The following DNASE1 variants were observed in gnomAD, a reference collection of about 807,000 sequenced individuals.
The protein encoded by DNASE1 is deoxyribonuclease-1.
DNASE1 carries 40 observed loss-of-function variants against 33.9 expected under a neutral mutation model. That is an observed-to-expected ratio of 1.18 (90% CI 0.92 to 1.54). DNASE1 has a LOEUF of 1.54. Ranked by LOEUF, DNASE1 falls within the 40% of genes most tolerant of loss-of-function variation. The probability of loss-of-function intolerance (pLI) is 0.00; values close to 1 mark genes in which losing one functional copy is unlikely to be tolerated. For synonymous variants in DNASE1, 216 were observed against 160.0 expected (o/e 1.35, Z -2.64); for missense variants, 518 against 372.6 (o/e 1.39, Z -3.21).
intron 1 of DNASE1, among the ~76,000 whole-genome samples, chr16:3,636,239 A>G (rs1315545671): frequency 7.7e-6 from 1 of 129,586 alleles, no homozygotes; most frequent in Non-Finnish European, 1.6e-5. Context: ...GGCATTCTTC[A>G]CTTTTCTTAG....
intron 1 of DNASE1, among the ~76,000 whole-genome samples, chr16:3,645,038 G>A (rs2151196809): frequency 6.6e-6 from 1 of 151,974 alleles, no homozygotes; most frequent in East Asian, 1.9e-4. Context: ...GGAGGTTGAG[G>A]CAGGAAGATC....
chr16:3,662,969 T>C, downstream of DNASE1: 1 of 1,607,468 alleles, frequency 6.2e-7, no homozygotes, highest in Non-Finnish European at 8.5e-7. Flanking sequence ...ACTCGGCGGC[T>C]GCGGAAGAGC....
intron 1 of DNASE1, among the ~76,000 whole-genome samples, chr16:3,616,387 G>A (rs577194203): frequency 1.3e-5 from 2 of 152,208 alleles, no homozygotes; most frequent in African/African-American, 4.8e-5. Context: ...TTGGGAGTCT[G>A]AGTCAGGCAG....
intron 1 of DNASE1, among the ~76,000 whole-genome samples, chr16:3,634,066 T>C (rs1367343035): frequency 6.6e-6 from 1 of 151,840 alleles, no homozygotes; most frequent in Non-Finnish European, 1.5e-5. Flanking sequence ...CGTCTCGGCC[T>C]CCCAAAGTGC....
At chr16:3,616,358 C>T (rs1334322117) in intron 1 of DNASE1, among the ~76,000 whole-genome samples, 1 of 152,230 alleles carries the variant, frequency 6.6e-6, no homozygotes, top group Non-Finnish European at 1.5e-5. Flanking sequence ...CGGTGGCTCA[C>T]GCCTGTAATC....
chr16:3,618,121 TAGA>T (rs2041175265), intron 1 of DNASE1, among the ~76,000 whole-genome samples: 1 of 143,584 alleles, frequency 7.0e-6, no homozygotes, highest in Non-Finnish European at 1.5e-5. Context: ...AGGACTTGAA[TAGA>T]CATTCCAAAG....
In DNASE1 at chr16:3,657,742, C is replaced by A; in HGVS notation, c.727C>A (p.Leu243Ile). ...YDRIVVAGML[L>I]RGAVVPDSAL... ...CAGGATCGTGGTTGCAGGGATGCTG[C>A]TCCGAGGCGCCGTTGTTCCCGACTC... The change falls in exon 8 of 9, where the codon CTC (leucine) becomes ATC (isoleucine). Residue 243 changes from leucine (L) to isoleucine (I), a missense_variant. Leu to Ile is a conservative substitution (Grantham distance 5). Coordinates refer to ENST00000246949, the MANE Select transcript of DNASE1 (RefSeq NM_005223.4). The A allele has an allele frequency of 6.2e-7, 1 of 1,613,898 alleles. No individual in the cohort carries two copies. The highest frequency in any genetic ancestry group is 1.7e-5 in the Admixed American group (1 of 60,020).
In DNASE1 at chr16:3,657,333, C is replaced by T. The variant is rs777285116; in HGVS notation, c.696C>T (p.Ala232=). The change falls in exon 7 of 9, where the codon GCC becomes GCT. Residue 232 remains alanine (A), a synonymous_variant. Coordinates refer to ENST00000246949, the MANE Select transcript of DNASE1 (RefSeq NM_005223.4). The part of the protein sequence containing the change: ...ADTTATPTHC[A]YDRIVVAGML... The stretch of plus-strand genomic sequence containing the variant: ...CCACAGCTACACCCACGCACTGTGC[C>T]TATGACAGGTGAGCAGGGCCTCGCG... 4.3e-6 allele frequency: 7 copies of T among 1,613,308 alleles called. No homozygotes were observed. Among genetic ancestry groups the T allele is most frequent in the Non-Finnish European group, 5.1e-6 (6 of 1,179,990 alleles).
chr16:3,631,561 G>A (rs778257074), intron 1 of DNASE1, among the ~76,000 whole-genome samples: 3 of 151,562 alleles, frequency 2.0e-5, no homozygotes, highest in Non-Finnish European at 4.4e-5. Flanking sequence ...GTCTCGCTCT[G>A]TTGCCCAGGC....
intron 1 of DNASE1, among the ~76,000 whole-genome samples, chr16:3,634,727 C>A (rs1185198999): frequency 1.3e-5 from 2 of 151,298 alleles, no homozygotes; most frequent in Non-Finnish European, 1.5e-5. Flanking sequence ...GTTGCCCAGG[C>A]TGATCTTGAA....
intron 1 of DNASE1, among the ~76,000 whole-genome samples, chr16:3,633,925 C>T (rs1313563342): frequency 6.6e-6 from 1 of 151,938 alleles, no homozygotes; most frequent in African/African-American, 2.4e-5. Flanking sequence ...TCTCCTACCT[C>T]AGCCTCCCAA....
chr16:3,625,466 G>T (rs936048439), intron 1 of DNASE1, among the ~76,000 whole-genome samples: 1 of 151,894 alleles, frequency 6.6e-6, no homozygotes, highest in African/African-American at 2.4e-5. Context: ...AAAAAAAATT[G>T]TTTAAATAAA....
rs1567214566 is a variant in DNASE1, at chr16:3,657,971, CAGTTGAACTGCAGGAAG to C, written c.*21_*37del. The C allele has an allele frequency of 6.2e-7, 1 of 1,613,782 alleles. No homozygotes were observed. Among genetic ancestry groups the C allele is most frequent in the African/African-American group, 1.3e-5 (1 of 75,038 alleles). ...TGAAGTGAGCAGCCCCTCCCCACAC[CAGTTGAACTGCAGGAAG>C]AGAGGACCCATCCTGCCACAGGACC... On this transcript the variant is annotated 3_prime_UTR_variant, in exon 9 of 9. Transcript: ENST00000246949.
intron 1 of DNASE1, among the ~76,000 whole-genome samples, chr16:3,617,405 G>C (rs1245792573): frequency 2.0e-5 from 3 of 146,472 alleles, no homozygotes; most frequent in Non-Finnish European, 4.5e-5. Flanking sequence ...GTAGACTCTA[G>C]ATATGACACT....
At chr16:3,644,949 C>T (rs1023590819) in intron 1 of DNASE1, among the ~76,000 whole-genome samples, 1 of 151,720 alleles carries the variant, frequency 6.6e-6, no homozygotes, top group Non-Finnish European at 1.5e-5. Flanking sequence ...GGCAACATGG[C>T]AAAACTCCAT....
At chr16:3,619,107 T>C (rs995336447) in intron 1 of DNASE1, among the ~76,000 whole-genome samples, 3 of 151,988 alleles carry the variant, frequency 2.0e-5, no homozygotes, top group Admixed American at 2.0e-4. Flanking sequence ...CAATCTCAGC[T>C]CACTGCAACC....
At chr16:3,620,885 C>T (rs1401863236) in intron 1 of DNASE1, among the ~76,000 whole-genome samples, 1 of 152,070 alleles carries the variant, frequency 6.6e-6, no homozygotes, top group Non-Finnish European at 1.5e-5. Flanking sequence ...ACTGCAACCT[C>T]CGCTCCCCAG....
intron 1 of DNASE1, among the ~76,000 whole-genome samples, chr16:3,616,489 C>G (rs1051252247): frequency 3.9e-5 from 5 of 128,844 alleles, no homozygotes; most frequent in African/African-American, 1.5e-4. Context: ...GATGTGGTGG[C>G]AGGTACCTGT....
At chr16:3,652,104 G>A (rs1364615374), upstream of DNASE1, 2 of 152,410 alleles carry the variant, frequency 1.3e-5, no homozygotes, top group African/African-American at 2.4e-5. Flanking sequence ...TTGTACAAGC[G>A]AGGCCCAAGT....
Sources: allele counts gnomAD v4.1 joint callset (sites outside exome capture counted in the v4.1 genomes callset), GRCh38; gene constraint gnomAD v4.1.1; transcripts MANE v1.5; gene names NCBI Gene and HGNC (gene_info 2026-07-23, HGNC 2026-07-21).